KHSRP: variants seen among roughly 807,000 people sequenced by gnomAD.
KHSRP encodes far upstream element-binding protein 2.
KHSRP carries 13 observed loss-of-function variants against 94.9 expected under a neutral mutation model. The observed-to-expected ratio is 0.14, with a 90% CI of 0.09 to 0.22. The LOEUF (loss-of-function observed/expected upper bound fraction) is 0.22, where lower values mean the gene tolerates loss of function less well. KHSRP is among the 10% of genes least tolerant of loss of function. The pLI is 1.00. For synonymous variants in KHSRP, 495 were observed against 401.4 expected (o/e 1.23, Z -2.79); for missense variants, 710 against 1,010.0 (o/e 0.70, Z 4.03).
chr19:6,419,980 G>T, intron 6 of KHSRP, 93 bp downstream of exon 6: 1 of 979,690 alleles, frequency 1.0e-6, no homozygotes, highest in South Asian at 1.4e-5. Context: ...CTCGCTTCCT[G>T]TCCACAGTCC....
Position 6,418,984 on chromosome 19 carries a change from T to A in KHSRP, c.606-108A>T, listed in dbSNP as rs1311492242. ...AAGGCGACCCCAGAGTGTGCAAGGATGACAGGGAAGAGGGGCCAGTCACAG... is the reference window on the plus strand; with the variant it reads ...AAGGCGACCCCAGAGTGTGCAAGGAAGACAGGGAAGAGGGGCCAGTCACAG... On this transcript the variant is annotated intron_variant, in intron 7 of 18. Transcript: ENST00000600480. The surrounding 1 kb of genome is among the most constrained non-coding windows in gnomAD (Gnocchi z 4.3). The A allele has an allele frequency of 7.8e-7, 1 of 1,279,336 alleles. No homozygotes were observed. Among genetic ancestry groups the A allele is most frequent in the Non-Finnish European group, 1.0e-6 (1 of 953,270 alleles). 79.2% of individuals were successfully genotyped at this position (1,279,336 alleles called of 1,614,324 possible). A position where few individuals can be genotyped will look rare whatever the true frequency, so the allele number is the denominator to read the frequency against.
intron 4 of KHSRP, 65 bp from the exon 5 acceptor site, chr19:6,420,536 G>A (rs772201347): frequency 1.3e-6 from 2 of 1,505,760 alleles, no homozygotes; most frequent in South Asian, 1.1e-5. Context: ...AGCTCTGGAA[G>A]GTCTACTTGA....
chr19:6,415,971 GT>G, intron 15 of KHSRP, 75 bp from the exon 16 acceptor site: 1 of 960,958 alleles, frequency 1.0e-6, no homozygotes, highest in Non-Finnish European at 1.5e-6. Flanking sequence ...GGGTGGGGAT[GT>G]TTTTCAGTGG....
chr19:6,421,221 A>C, intron 4 of KHSRP, 57 bp downstream of exon 4: 1 of 1,501,630 alleles, frequency 6.7e-7, no homozygotes, highest in Non-Finnish European at 9.1e-7. Context: ...AGTCAGCAGA[A>C]AGGCCAGTCT....
intron 14 of KHSRP, 23 bp downstream of exon 14, chr19:6,416,467 C>A: frequency 6.2e-7 from 1 of 1,612,424 alleles, no homozygotes; most frequent in South Asian, 1.1e-5. Context: ...GAGACCAAAT[C>A]CCCAGAGCCC....
intron 4 of KHSRP, 45 bp from the exon 5 acceptor site, chr19:6,420,516 G>C (rs1459791207): frequency 7.6e-6 from 12 of 1,574,716 alleles, no homozygotes; most frequent in Non-Finnish European, 1.0e-5. Flanking sequence ...TGGGAAGGGA[G>C]GAGGACAGCA....
At chr19:6,420,291 A>G in intron 5 of KHSRP, 131 bp downstream of exon 5, 1 of 1,142,068 alleles carries the variant, frequency 8.8e-7, no homozygotes, top group Non-Finnish European at 1.3e-6. Context: ...CCCAGAGGGG[A>G]CGAAGGAGGG....
rs889781429 is a variant in KHSRP, at chr19:6,419,290, C to T, written c.548-30G>A. 16 of 1,540,682 alleles carry T rather than the reference C, an allele frequency of 1.0e-5. No individual in the cohort carries two copies. In the African/African-American group the frequency reaches 1.7e-4, roughly 16 times the overall value. On this transcript the variant is annotated intron_variant, in intron 6 of 18. Transcript: ENST00000600480. ...AAAGAGGAGATAGAGTCAGTGCCCT[C>T]CCTGGCCCACAGGCAGAGAAAGGCC...
rs565455491 is a variant in KHSRP at position 6,415,515 on chromosome 19, C to T, written c.1888+19G>A. ...TCCCCCGGCAGGGCTGGAGCCCCCC[C>T]GCCACCCTGCAGACTCACCGATCTT... On this transcript the variant is annotated intron_variant, in intron 17 of 18. Coordinates refer to ENST00000600480, the MANE Select transcript of KHSRP (RefSeq NM_001366299.1). 214 of 1,546,852 alleles carry T rather than the reference C, an allele frequency of 1.4e-4. 1 individual carries two copies. The highest frequency in any genetic ancestry group is 1.1e-3 in the Admixed American group (54 of 50,712).
In KHSRP at chr19:6,419,249, G is replaced by C. The variant is rs1237193810; in HGVS notation, c.559C>G (p.Leu187Val). The C allele has an allele frequency of 1.9e-6, 3 of 1,578,666 alleles. No homozygotes were observed. Among genetic ancestry groups the C allele is most frequent in the Non-Finnish European group, 2.6e-6 (3 of 1,162,564 alleles). Reference protein sequence around the residue: ...KVQISPDSGGLPERSVSLTGA... With the variant: ...KVQISPDSGGVPERSVSLTGA... Reference sequence around the variant, plus strand: ...GTCAAGGACACACTGCGCTCGGGTAGGCCACCGCTGTCTGAAAAGAGGAGA... The same window carrying C: ...GTCAAGGACACACTGCGCTCGGGTACGCCACCGCTGTCTGAAAAGAGGAGA... The change falls in exon 7 of 19, where the codon CTA (leucine) becomes GTA (valine). Residue 187 changes from leucine to valine, a missense_variant. Leu to Val is a conservative substitution (Grantham distance 32). Coordinates refer to ENST00000600480, the MANE Select transcript of KHSRP (RefSeq NM_001366299.1).
Position 6,415,364 on chromosome 19 carries a change from C to G in KHSRP, c.1966+16G>C, listed in dbSNP as rs367800310. The G allele has an allele frequency of 3.0e-5, 48 of 1,609,046 alleles. No individual in the cohort carries two copies. In the African/African-American group the frequency reaches 5.5e-4, roughly 18 times the overall value. On this transcript the variant is annotated intron_variant, in intron 18 of 18. Coordinates refer to ENST00000600480, the MANE Select transcript of KHSRP (RefSeq NM_001366299.1). Reference sequence around the variant, plus strand: ...AGGGCTGCCCCTGCCCCTGTCCCCGCATGGTGGCCACTCACCTTGCTTCTT... The same window carrying G: ...AGGGCTGCCCCTGCCCCTGTCCCCGGATGGTGGCCACTCACCTTGCTTCTT...
chr19:6,417,217 C>T, intron 11 of KHSRP, 130 bp from the exon 12 acceptor site: 1 of 702,660 alleles, frequency 1.4e-6, no homozygotes, highest in Non-Finnish European at 2.3e-6. Flanking sequence ...CGCTCCCAGC[C>T]TCCACTCGCT....
chr19:6,419,345 A>C (rs377233544), intron 6 of KHSRP, 85 bp from the exon 7 acceptor site: 28 of 1,241,932 alleles, frequency 2.3e-5, no homozygotes, highest in African/African-American at 1.2e-4. Flanking sequence ...CTTTCAGAAC[A>C]ACCAAGGGCC....
In KHSRP at chr19:6,418,459, TCC is replaced by T. The variant is rs1333151947; in HGVS notation, c.879+22_879+23del. The stretch of plus-strand genomic sequence containing the variant: ...CTGCCCGTGCCTCTCCAGAACCCCC[TCC>T]ACCACCCCAGGGCGTGCTCACCTGC... On this transcript the variant is annotated intron_variant, in intron 9 of 18. Coordinates refer to ENST00000600480, the MANE Select transcript of KHSRP (RefSeq NM_001366299.1). The surrounding 1 kb of genome is among the most constrained non-coding windows in gnomAD (Gnocchi z 4.3). The T allele has an allele frequency of 6.3e-7, 1 of 1,592,250 alleles. No homozygotes were observed. Among genetic ancestry groups the T allele is most frequent in the Non-Finnish European group, 8.6e-7 (1 of 1,162,536 alleles).
intron 1 of KHSRP, among the ~76,000 whole-genome samples, chr19:6,422,849 C>T (rs895725763): frequency 1.3e-5 from 2 of 152,070 alleles, no homozygotes; most frequent in Admixed American, 6.6e-5. Context: ...TTTTTAGCCC[C>T]GTTTTCCTGG....
rs1248914086 is a variant in KHSRP, at chr19:6,416,728, C to G, written c.1327+10G>C. ...GGGGCAAGGGATAGGGTGCAGGGGG[C>G]CACACTCACCTCGGCCGATGACCAG... On this transcript the variant is annotated intron_variant, in intron 13 of 18. Coordinates refer to ENST00000600480, the MANE Select transcript of KHSRP (RefSeq NM_001366299.1). The G allele has an allele frequency of 6.2e-7, 1 of 1,603,106 alleles. No homozygotes were observed. The highest frequency in any genetic ancestry group is 1.7e-5 in the Admixed American group (1 of 58,300).
Position 6,418,621 on chromosome 19 carries a change from A to T in KHSRP, c.781-40T>A. 1 of 1,613,200 alleles carries T rather than the reference A, an allele frequency of 6.2e-7. No individual in the cohort carries two copies. Among genetic ancestry groups the T allele is most frequent in the East Asian group, 2.2e-5 (1 of 44,886 alleles). On this transcript the variant is annotated intron_variant, in intron 8 of 18. Transcript: ENST00000600480. The surrounding 1 kb of genome is among the most constrained non-coding windows in gnomAD (Gnocchi z 4.3). ...TTAACCGTTAGTGCTGGGCTCTCCC[A>T]GGACTTCCTGGGCTGCTGTGGTGGT...
chr19:6,423,328 T>C (rs78225015), intron 1 of KHSRP, among the ~76,000 whole-genome samples: 13,966 of 152,206 alleles, frequency 0.092, 857 homozygotes, highest in East Asian at 0.27. Context: ...ACAAGTTACA[T>C]CTCAGACACG....
Position 6,416,864 on chromosome 19 carries a change from G to C in KHSRP, c.1201C>G (p.Pro401Ala), listed in dbSNP as rs371987891. 1 of 1,607,704 alleles carries C rather than the reference G, an allele frequency of 6.2e-7. No individual in the cohort carries two copies. Residue 401 changes from proline to alanine, a missense_variant, in exon 13 of 19, where the codon CCA becomes GCA. Pro to Ala is a conservative substitution (Grantham distance 27). This residue lies in a region of KHSRP where 288 missense variants were observed against 501.1 expected (regional missense o/e 0.57). Coordinates refer to ENST00000600480, the MANE Select transcript of KHSRP (RefSeq NM_001366299.1). ...CCCGGGGGCATGCCTGGACCCCCTG[G>C]AGGACCTGGGGGACCACTCTGCAAG... ...QSLRSGPPGP[P>A]GGPGMPPGGR... is the part of the protein sequence containing the mutation.
Sources: gnomAD v4.1 joint callset for allele counts (sites outside exome capture counted in the v4.1 genomes callset) on GRCh38, gnomAD v4.1.1 for gene constraint, gnomAD v4.1.1 regional missense constraint, Gnocchi (gnomAD v3.1) non-coding constraint, MANE v1.5 for transcripts, NCBI Gene and HGNC (gene_info 2026-07-23, HGNC 2026-07-21) for gene names.